The following RNF103 variants were observed in gnomAD, a reference collection of about 807,000 sequenced individuals.
RNF103 encodes the protein E3 ubiquitin-protein ligase RNF103.
RNF103 carries 23 observed loss-of-function variants against 66.2 expected under a neutral mutation model. That is an observed-to-expected ratio of 0.35 (90% confidence interval 0.25 to 0.49). The LOEUF is 0.49. Among genes scored for constraint, RNF103 ranks in the 20% least tolerant of loss-of-function variants. The pLI is 0.98. For missense variants in RNF103, 730 were observed against 814.7 expected (o/e 0.90, Z 1.27); for synonymous variants, 297 against 289.9 (o/e 1.02, Z -0.25).
At chr2:86,618,994 G>A (rs1256891800) in intron 2 of RNF103, among the ~76,000 whole-genome samples, 1 of 152,150 alleles carries the variant, frequency 6.6e-6, no homozygotes, top group African/African-American at 2.4e-5. Flanking sequence ...TATCCGGAAG[G>A]TAAAAGGACA....
Position 86,605,202 on chromosome 2 carries a change from A to G in RNF103, c.699T>C (p.Tyr233=). The stretch of plus-strand genomic sequence containing the variant: ...TTGCAAATAGGTATATTTTTAACCA[A>G]TACTGATCACTTTTATTCCATTCTT... ...LKEEWNKSDQ[Y]WLKIYLFANL... Residue 233 remains tyrosine (Y), a synonymous_variant, in exon 4 of 4, where the codon TAT becomes TAC. Coordinates refer to ENST00000237455, the MANE Select transcript of RNF103 (RefSeq NM_005667.4). 2 of 1,613,968 alleles carry G rather than the reference A, an allele frequency of 1.2e-6. No homozygotes were observed. Among genetic ancestry groups the G allele is most frequent in the South Asian group, 1.1e-5 (1 of 91,090 alleles).
intron 2 of RNF103, among the ~76,000 whole-genome samples, chr2:86,619,219 C>T (rs148528387): frequency 3.9e-3 from 598 of 152,274 alleles, no homozygotes; most frequent in Non-Finnish European, 6.8e-3. Context: ...CCTGTAACAG[C>T]GACAGTACCA....
rs767972042 is a variant in RNF103, at chr2:86,622,829, T to C, written c.58A>G (p.Arg20Gly). The C allele has an allele frequency of 6.2e-7, 1 of 1,614,036 alleles. No homozygotes were observed. The highest frequency in any genetic ancestry group is 1.1e-5 in the South Asian group (1 of 91,076). ...LYFLVLFVLA[R>G]FFEAIVWYET... is the part of the protein sequence containing the mutation. Reference sequence around the variant, plus strand: ...TACCACACAATGGCCTCAAAAAACCTGGCCAGGACGAACAGGACCAGGAAA... The same window carrying C: ...TACCACACAATGGCCTCAAAAAACCCGGCCAGGACGAACAGGACCAGGAAA... Residue 20 changes from arginine to glycine, a missense_variant, in exon 1 of 4, where the codon AGG becomes GGG. Physicochemically the swap from Arg to Gly is moderately radical, Grantham distance 125. Around this residue, in one of 3 missense-constraint regions of RNF103, gnomAD observed 327 missense variants for 369.8 expected, o/e 0.88. Transcript: ENST00000237455.
chr2:86,622,902 C>G lies in RNF103; in HGVS notation c.-16G>C. 1 of 1,571,936 alleles carries G rather than the reference C, an allele frequency of 6.4e-7. No homozygotes were observed. The highest frequency in any genetic ancestry group is 8.6e-7 in the Non-Finnish European group (1 of 1,158,340). On this transcript the variant is annotated 5_prime_UTR_variant, in exon 1 of 4. Transcript: ENST00000237455. ...TCAGCCACATCTTCCCTGGAGTTTC[C>G]TCTCTTTCCAGAGAGCTCGGAATAC...
At position 86,603,721 on chromosome 2, in the gene RNF103, T is replaced by C. The variant is rs1678431408; in HGVS notation, c.*122A>G. ...AATTCTGTCATCAACATTAGCATAA[T>C]GTGTATTTCCCGTCACTGCACTAAC... On this transcript the variant is annotated 3_prime_UTR_variant, in exon 4 of 4. Transcript: ENST00000237455. The C allele has an allele frequency of 7.4e-7, 1 of 1,344,494 alleles. No individual in the cohort carries two copies. The highest frequency in any genetic ancestry group is 1.0e-6 in the Non-Finnish European group (1 of 992,066). The allele number at this position is 1,344,494 out of a possible 1,614,324, so 83.3% of individuals were successfully genotyped here.
intron 2 of RNF103, among the ~76,000 whole-genome samples, chr2:86,615,583 A>C (rs1481338273): frequency 1.3e-5 from 2 of 150,454 alleles, no homozygotes; most frequent in African/African-American, 2.4e-5. Flanking sequence ...AAGAGTCCCC[A>C]ATTTATAGCT....
At position 86,604,560 on chromosome 2, in the gene RNF103, G is replaced by A; in HGVS notation, c.1341C>T (p.Val447=). Residue 447 remains valine (V), a synonymous_variant, in exon 4 of 4, where the codon GTC becomes GTT. Transcript: ENST00000237455. Reference sequence around the variant, plus strand: ...ATAACCATTCTAAGTTATTGGCATTGACTTCATCATTGTTGTTGTTGCGCC... The same window carrying A: ...ATAACCATTCTAAGTTATTGGCATTAACTTCATCATTGTTGTTGTTGCGCC... ...KRRRNNNNDE[V]NANNLEWLSS... 1.2e-6 allele frequency: 2 copies of A among 1,614,162 alleles called. No individual in the cohort carries two copies. The highest frequency in any genetic ancestry group is 4.5e-5 in the East Asian group (2 of 44,888).
intron 3 of RNF103, among the ~76,000 whole-genome samples, chr2:86,608,933 C>T (rs1678676612): frequency 6.6e-6 from 1 of 152,208 alleles, no homozygotes; most frequent in Admixed American, 6.5e-5. Context: ...TACAACTAGA[C>T]AGTCAGAAGT....
Position 86,604,980 on chromosome 2 carries a change from T to C in RNF103, c.921A>G (p.Ile307Met), listed in dbSNP as rs147608406. ...YRYGNHTGEF[I>M]SLQAMDSFLR... ...AAAATGAATCCATGGCCTGAAGGGA[T>C]ATAAATTCGCCTGTGTGGTTTCCAT... The change falls in exon 4 of 4, where the codon ATA becomes ATG. Residue 307 changes from isoleucine (I) to methionine (M), a missense_variant. Ile to Met is a conservative substitution (Grantham distance 10). Transcript: ENST00000237455. The C allele has an allele frequency of 6.1e-4, 978 of 1,614,006 alleles. 7 individuals are homozygous for C. The highest frequency in any genetic ancestry group is 1.3e-4 in the Non-Finnish European group (149 of 1,180,020).
chr2:86,607,353 A>G (rs963142429), intron 3 of RNF103, among the ~76,000 whole-genome samples: 1 of 152,212 alleles, frequency 6.6e-6, no homozygotes, highest in Non-Finnish European at 1.5e-5. Context: ...ATGGCTGTAT[A>G]ATGATAATAT....
At chr2:86,615,969 T>C (rs1024880606) in intron 2 of RNF103, among the ~76,000 whole-genome samples, 11 of 152,180 alleles carry the variant, frequency 7.2e-5, no homozygotes, top group African/African-American at 2.7e-4. Context: ...CTAGTTCTGA[T>C]TACACAGAGT....
intron 3 of RNF103, among the ~76,000 whole-genome samples, chr2:86,611,628 G>A (rs1393027179): frequency 1.3e-5 from 2 of 151,858 alleles, no homozygotes; most frequent in Non-Finnish European, 2.9e-5. Context: ...AACCGGCGAA[G>A]GACAGAAAAA....
intron 2 of RNF103, chr2:86,617,180 T>C: frequency 1.0e-6 from 1 of 985,426 alleles, no homozygotes; most frequent in African/African-American, 1.7e-5. Flanking sequence ...TTACAGAGAC[T>C]ATACGTAACA....
intron 3 of RNF103, among the ~76,000 whole-genome samples, chr2:86,608,038 T>G (rs1261876150): frequency 1.3e-5 from 2 of 152,230 alleles, no homozygotes; most frequent in African/African-American, 4.8e-5. Context: ...AAAAAATTTT[T>G]TTATGATCTG....
intron 2 of RNF103, among the ~76,000 whole-genome samples, chr2:86,619,557 C>T (rs1219991208): frequency 6.6e-6 from 1 of 152,168 alleles, no homozygotes; most frequent in Non-Finnish European, 1.5e-5. Flanking sequence ...TGTTAATTTA[C>T]TTGATATGTC....
chr2:86,606,935 T>C (rs1261778982), intron 3 of RNF103, among the ~76,000 whole-genome samples: 1 of 152,016 alleles, frequency 6.6e-6, no homozygotes, highest in Non-Finnish European at 1.5e-5. Flanking sequence ...CACGCCACCA[T>C]GCTAGGCTAA....
rs1234096128 is a variant in RNF103 at position 86,623,434 on chromosome 2, G to A, written c.-548C>T. The A allele has an allele frequency of 1.7e-5, 17 of 981,866 alleles. No individual in the cohort carries two copies. The highest frequency in any genetic ancestry group is 1.2e-6 in the Non-Finnish European group (1 of 828,548). The allele number at this position is 981,866 out of a possible 1,614,324, so 60.8% of individuals were successfully genotyped here. A position where few individuals can be genotyped will look rare whatever the true frequency, so the allele number is the denominator to read the frequency against. On this transcript the variant is annotated 5_prime_UTR_variant, in exon 1 of 4. Coordinates refer to ENST00000237455, the MANE Select transcript of RNF103 (RefSeq NM_005667.4). ...CGCGGCGCTCGGCCGGGCCAGGCCCGGGGCCCAGCGTGTTCTGCGCGGGGA... is the reference window on the plus strand; with the variant it reads ...CGCGGCGCTCGGCCGGGCCAGGCCCAGGGCCCAGCGTGTTCTGCGCGGGGA...
chr2:86,612,177 T>C lies in RNF103; in HGVS notation c.464A>G (p.Asn155Ser), dbSNP rs758392387. ...AACTTACCTGGGATCACTGGAACAG[T>C]TAAATGTGCCTGTACGTATTCCAAA... is the stretch of plus-strand genomic sequence containing the variant. Reference protein sequence around the residue: ...SRFGIRTGTFNCSSDPRYCRR... With the variant: ...SRFGIRTGTFSCSSDPRYCRR... The change falls in exon 3 of 4, where the codon AAC (asparagine) becomes AGC (serine). Residue 155 changes from asparagine to serine, a missense_variant. Asn to Ser is a conservative substitution (Grantham distance 46). Transcript: ENST00000237455. The C allele has an allele frequency of 6.2e-6, 10 of 1,611,360 alleles. No individual in the cohort carries two copies. The Admixed American group carries it at 1.7e-4, about 27-fold the overall frequency.
intron 2 of RNF103, among the ~76,000 whole-genome samples, chr2:86,615,561 T>C (rs1004525265): frequency 1.3e-5 from 2 of 149,258 alleles, no homozygotes; most frequent in African/African-American, 4.9e-5. Context: ...ACACACACTA[T>C]GTCATACCAG....
Sources: allele counts gnomAD v4.1 joint callset (sites outside exome capture counted in the v4.1 genomes callset), GRCh38; gene constraint gnomAD v4.1.1; regional missense constraint gnomAD v4.1.1; transcripts MANE v1.5; gene names NCBI Gene and HGNC (gene_info 2026-07-23, HGNC 2026-07-21).